Variants in FHOD3 observed in about 807,000 individuals in gnomAD.
FHOD3 encodes the protein FH1/FH2 domain-containing protein 3.
FHOD3 carries 90 observed loss-of-function variants against 173.0 expected under a neutral mutation model. The observed-to-expected ratio is 0.52, with a 90% CI of 0.44 to 0.62. FHOD3 has a LOEUF of 0.62. Among genes scored for constraint, FHOD3 ranks in the 20% least tolerant of loss-of-function variants. FHOD3 has a pLI of 0.00. For synonymous variants in FHOD3, 828 were observed against 823.0 expected, an observed-to-expected ratio of 1.01 and a Z score of -0.10; for missense variants, 1,945 against 2,034.7, an observed-to-expected ratio of 0.96 and a Z score of 0.85.
chr18:36,643,350 C>A (rs967113756), intron 10 of FHOD3, among the ~76,000 whole-genome samples: 1 of 151,796 alleles, frequency 6.6e-6, no homozygotes, highest in Non-Finnish European at 1.5e-5. Flanking sequence ...TTGTGTCAGC[C>A]CACTAGATGC....
chr18:36,593,039 C>T (rs1373789617), intron 6 of FHOD3, among the ~76,000 whole-genome samples: 2 of 152,126 alleles, frequency 1.3e-5, no homozygotes, highest in Admixed American at 6.5e-5. Flanking sequence ...GGTCTTCCCA[C>T]ACTGAGAGAC....
At chr18:36,607,344 C>T (rs1242244604) in intron 8 of FHOD3, among the ~76,000 whole-genome samples, 1 of 152,168 alleles carries the variant, frequency 6.6e-6, no homozygotes, top group Non-Finnish European at 1.5e-5. Flanking sequence ...AAAAATCCTG[C>T]ACCAGAATTC....
chr18:36,511,427 A>G (rs2055644084), intron 4 of FHOD3, among the ~76,000 whole-genome samples: 1 of 150,006 alleles, frequency 6.7e-6, no homozygotes, highest in African/African-American at 2.5e-5. Context: ...AAGAAAAGCT[A>G]CCATTAAATC....
intron 3 of FHOD3, among the ~76,000 whole-genome samples, chr18:36,387,624 C>T (rs188693464): frequency 7.9e-5 from 12 of 152,312 alleles, no homozygotes; most frequent in African/African-American, 1.9e-4. Flanking sequence ...CATCCACTTT[C>T]GTGATTCTAA....
chr18:36,386,226 T>A (rs547940119), intron 3 of FHOD3, among the ~76,000 whole-genome samples: 14 of 152,304 alleles, frequency 9.2e-5, no homozygotes, highest in Non-Finnish European at 1.9e-4. Flanking sequence ...ATGACTTGTT[T>A]GGCCTGGGGT....
chr18:36,689,777 A>C (rs527624349), intron 16 of FHOD3, among the ~76,000 whole-genome samples: 13 of 152,262 alleles, frequency 8.5e-5, no homozygotes, highest in African/African-American at 2.6e-4. Context: ...CTTTATAGCA[A>C]ACAGGGGCTA....
At chr18:36,678,665 G>GT (rs567461915) in intron 14 of FHOD3, among the ~76,000 whole-genome samples, 3,966 of 146,312 alleles carry the variant, frequency 0.027, 167 homozygotes, top group African/African-American at 0.091. Context: ...ATAGTAAAGG[G>GT]TTTTTTTTTT....
chr18:36,332,166 C>G (rs1034904496), intron 1 of FHOD3, among the ~76,000 whole-genome samples: 3 of 152,184 alleles, frequency 2.0e-5, no homozygotes, highest in African/African-American at 7.2e-5. Context: ...TCCATTATTG[C>G]AGAGTATGTA....
chr18:36,455,831 G>A (rs2052166681), intron 3 of FHOD3, among the ~76,000 whole-genome samples: 1 of 152,072 alleles, frequency 6.6e-6, no homozygotes, highest in African/African-American at 2.4e-5. Context: ...TCAGAAGAGT[G>A]GCATATTCAT....
chr18:36,301,615 T>C (rs1418284062), intron 1 of FHOD3, among the ~76,000 whole-genome samples: 1 of 152,220 alleles, frequency 6.6e-6, no homozygotes, highest in African/African-American at 2.4e-5. Flanking sequence ...AAAGTAAATG[T>C]TTATTTCTGG....
chr18:36,406,082 TG>T (rs58840737), intron 3 of FHOD3, among the ~76,000 whole-genome samples: 31,022 of 142,386 alleles, frequency 0.22, 3,916 homozygotes, highest in East Asian at 0.64. Flanking sequence ...GCCTGTTTTT[TG>T]TTTTTGTTTT....
intron 1 of FHOD3, among the ~76,000 whole-genome samples, chr18:36,303,423 G>C (rs1458819946): frequency 6.6e-6 from 1 of 152,142 alleles, no homozygotes; most frequent in African/African-American, 2.4e-5. Context: ...TGATTTAAGT[G>C]GTTGTGCTCT....
chr18:36,441,622 T>A (rs1055079559), intron 3 of FHOD3, among the ~76,000 whole-genome samples: 1 of 152,198 alleles, frequency 6.6e-6, no homozygotes, highest in African/African-American at 2.4e-5. Context: ...CTCCTTCTTA[T>A]TTTTAAGCTT....
intron 5 of FHOD3, among the ~76,000 whole-genome samples, chr18:36,527,000 C>A (rs2056549795): frequency 6.6e-6 from 1 of 152,150 alleles, no homozygotes; most frequent in Non-Finnish European, 1.5e-5. Context: ...AGATGTTAAC[C>A]TTCTAGATGT....
chr18:36,436,345 TA>T (rs2050809666), intron 3 of FHOD3, among the ~76,000 whole-genome samples: 1 of 152,140 alleles, frequency 6.6e-6, no homozygotes, highest in African/African-American at 2.4e-5. Context: ...AAATCTGGGA[TA>T]TTTATTGGGA....
At chr18:36,676,444 A>G (rs1362492111) in intron 14 of FHOD3, among the ~76,000 whole-genome samples, 3 of 152,240 alleles carry the variant, frequency 2.0e-5, no homozygotes, top group African/African-American at 7.2e-5. Flanking sequence ...GTATAATTCT[A>G]ATTAACCACT....
At chr18:36,361,273 G>T (rs2046598678) in intron 2 of FHOD3, among the ~76,000 whole-genome samples, 1 of 152,138 alleles carries the variant, frequency 6.6e-6, no homozygotes, top group African/African-American at 2.4e-5. Context: ...GGTGAGTTCA[G>T]CTGGGTTGAG....
chr18:36,444,580 T>A (rs1201230211), intron 3 of FHOD3, among the ~76,000 whole-genome samples: 1 of 152,224 alleles, frequency 6.6e-6, no homozygotes, highest in African/African-American at 2.4e-5. Flanking sequence ...CCACTCATCC[T>A]CTATAGATAA....
intron 3 of FHOD3, among the ~76,000 whole-genome samples, chr18:36,498,707 C>T (rs1303038032): frequency 6.6e-6 from 1 of 152,108 alleles, no homozygotes; most frequent in East Asian, 1.9e-4. Flanking sequence ...GGAGTACCCC[C>T]AACTCACAAA....
Sources: gnomAD v4.1 joint callset for allele counts (sites outside exome capture counted in the v4.1 genomes callset) on GRCh38, gnomAD v4.1.1 for gene constraint, MANE v1.5 for transcripts, NCBI Gene and HGNC (gene_info 2026-07-23, HGNC 2026-07-21) for gene names.